KLRG1: variants seen among roughly 807,000 people sequenced by gnomAD.
KLRG1 encodes killer cell lectin-like receptor subfamily G member 1.
In KLRG1, 16 loss-of-function variants were observed where a neutral mutation model predicts 21.8. That is an observed-to-expected ratio of 0.73 (90% CI 0.50 to 1.11). The LOEUF (loss-of-function observed/expected upper bound fraction) is 1.11, where lower values mean the gene tolerates loss of function less well. Ranked by LOEUF, KLRG1 falls within the 50% of genes most tolerant of loss-of-function variation. KLRG1 has a pLI of 0.00. For missense variants in KLRG1, 173 were observed against 218.3 expected, an observed-to-expected ratio of 0.79 and a Z score of 1.31; for synonymous variants, 69 against 75.9, an observed-to-expected ratio of 0.91 and a Z score of 0.47.
intron 1 of KLRG1, among the ~76,000 whole-genome samples, chr12:8,983,156 C>A (rs1946783221): frequency 6.6e-6 from 1 of 151,434 alleles, no homozygotes; most frequent in South Asian, 2.1e-4. Context: ...AAATATAATT[C>A]TTTATATGTA....
the KLRG1 span, among the ~76,000 whole-genome samples, chr12:9,149,998 C>T: frequency 6.6e-6 from 1 of 152,202 alleles, no homozygotes; most frequent in African/African-American, 2.4e-5. Context: ...AAACTCCACT[C>T]ATCCTCTAGG....
At chr12:9,165,484 G>A in the KLRG1 span, 4 of 1,162,330 alleles carry the variant, frequency 3.4e-6, no homozygotes, top group East Asian at 2.5e-5. Context: ...GGGTATATGC[G>A]AGTGTGCATT....
chr12:9,055,902 T>C, the KLRG1 span, among the ~76,000 whole-genome samples: 2 of 152,216 alleles, frequency 1.3e-5, no homozygotes, highest in East Asian at 1.9e-4. Flanking sequence ...ACAGGGTAAT[T>C]TCATTTACAC....
chr12:9,197,217 A>G, the KLRG1 span: 1 of 810,554 alleles, frequency 1.2e-6, no homozygotes, highest in Non-Finnish European at 2.0e-6. Flanking sequence ...AGAGTTGCCT[A>G]CACATCTTTA....
At chr12:9,132,493 C>A in the KLRG1 span, among the ~76,000 whole-genome samples, 4 of 152,138 alleles carry the variant, frequency 2.6e-5, no homozygotes, top group Admixed American at 1.3e-4. Context: ...TTCCATTCTG[C>A]AGGCAGTTGT....
chr12:9,213,561 T>C, the KLRG1 span, among the ~76,000 whole-genome samples: 41 of 152,278 alleles, frequency 2.7e-4, 1 homozygote, highest in African/African-American at 9.9e-4. Context: ...ATGGTTTTAA[T>C]TTGTATTTTC....
chr12:8,961,305 A>G (rs954797043), intron 1 of KLRG1, among the ~76,000 whole-genome samples: 2 of 152,250 alleles, frequency 1.3e-5, no homozygotes, highest in Admixed American at 6.5e-5. Flanking sequence ...CAGAAGTAGC[A>G]TAAAATCTCT....
chr12:9,095,525 C>A, the KLRG1 span: 1 of 1,606,074 alleles, frequency 6.2e-7, no homozygotes, highest in African/African-American at 1.3e-5. Context: ...CCATCTGCAA[C>A]ATAAGGAGTT....
intron 1 of KLRG1, among the ~76,000 whole-genome samples, chr12:8,983,908 C>A (rs867464205): frequency 1.3e-4 from 19 of 151,956 alleles, no homozygotes; most frequent in Admixed American, 1.2e-3. Flanking sequence ...TATCTTGATG[C>A]GGATTCAGTG....
chr12:9,034,750 A>G, the KLRG1 span, among the ~76,000 whole-genome samples: 5 of 152,216 alleles, frequency 3.3e-5, no homozygotes, highest in African/African-American at 4.8e-5. Context: ...CCTGGCCATT[A>G]TACTTTTTAC....
chr12:9,090,056 T>A, the KLRG1 span: 1 of 1,571,732 alleles, frequency 6.4e-7, no homozygotes, highest in Non-Finnish European at 8.7e-7. Context: ...ATGAATAGCA[T>A]CTTCCCCTTC....
chr12:9,160,572 T>G, the KLRG1 span: 1 of 1,266,778 alleles, frequency 7.9e-7, no homozygotes, highest in Non-Finnish European at 1.1e-6. Flanking sequence ...GCCTTTATAT[T>G]CAGAGTCTAT....
chr12:9,044,542 C>G, the KLRG1 span, among the ~76,000 whole-genome samples: 2 of 152,056 alleles, frequency 1.3e-5, no homozygotes, highest in East Asian at 1.9e-4. Flanking sequence ...TGGCGTGCAC[C>G]TATAGTCCCA....
At chr12:9,079,317 A>T in the KLRG1 span, 2 of 1,613,700 alleles carry the variant, frequency 1.2e-6, no homozygotes, top group Non-Finnish European at 8.5e-7. Flanking sequence ...TTGTAGTTCA[A>T]CTGTCTCTGG....
chr12:9,118,853 G>A, the KLRG1 span, among the ~76,000 whole-genome samples: 1 of 152,172 alleles, frequency 6.6e-6, no homozygotes, highest in Non-Finnish European at 1.5e-5. Context: ...GGATTTATCA[G>A]TTTATTGGGC....
the KLRG1 span, chr12:9,072,643 A>G: frequency 3.1e-6 from 5 of 1,613,762 alleles, no homozygotes; most frequent in East Asian, 8.9e-5. Context: ...CACCTGCCCA[A>G]GAGTCTCACC....
the KLRG1 span, chr12:9,112,589 C>G: frequency 6.2e-7 from 1 of 1,600,688 alleles, no homozygotes; most frequent in East Asian, 2.2e-5. Context: ...AGGTCTCCTC[C>G]CCTATTTGCT....
At chr12:9,098,594 G>T in the KLRG1 span, 3 of 1,587,466 alleles carry the variant, frequency 1.9e-6, no homozygotes, top group South Asian at 2.3e-5. Flanking sequence ...TCCTGAGGCT[G>T]CCAGGAACTC....
At chr12:8,964,904 T>G (rs1243275157) in intron 1 of KLRG1, among the ~76,000 whole-genome samples, 1 of 151,996 alleles carries the variant, frequency 6.6e-6, no homozygotes, top group Admixed American at 6.6e-5. Flanking sequence ...TCTTCCTCCA[T>G]CCCTTTATTT....
Sources: allele counts gnomAD v4.1 joint callset (sites outside exome capture counted in the v4.1 genomes callset), GRCh38; gene constraint gnomAD v4.1.1; transcripts MANE v1.5; gene names NCBI Gene and HGNC (gene_info 2026-07-23, HGNC 2026-07-21).